Variants in KLHL29 observed in about 807,000 individuals in gnomAD.
KLHL29 encodes the protein kelch-like protein 29.
Under a neutral mutation model 80.4 loss-of-function variants are expected in KLHL29, and 21 were observed. That is an observed-to-expected ratio of 0.26 (90% CI 0.19 to 0.38). The LOEUF is 0.38. KLHL29 is among the 10% of genes least tolerant of loss of function. The pLI is 1.00. For missense variants in KLHL29, 867 were observed against 1,223.9 expected (o/e 0.71, Z 4.35); for synonymous variants, 511 against 526.8 (o/e 0.97, Z 0.41).
rs1670235466 is a variant in KLHL29, at chr2:23,656,079, TA to T, written c.940+13230del. Among the ~76,000 whole-genome samples, 6 of 152,322 alleles carry T rather than the reference TA, an allele frequency of 3.9e-5. No individual in the cohort carries two copies. The South Asian group carries it at 6.2e-4, about 16-fold the overall frequency. ...CTTCACTTCAAAAGACTGGCCGTGT[TA>T]TAAAAAGAAAGGGACCATCTGTCCC... On this transcript the variant is annotated intron_variant, in intron 5 of 13. Coordinates refer to ENST00000486442, the MANE Select transcript of KLHL29 (RefSeq NM_052920.2).
intron 1 of KLHL29, among the ~76,000 whole-genome samples, chr2:23,460,277 G>A (rs1664174620): frequency 2.6e-5 from 4 of 152,182 alleles, no homozygotes; most frequent in Admixed American, 2.6e-4. Context: ...ACATGAATAA[G>A]TTATAGCCTG....
At position 23,435,210 on chromosome 2, in the gene KLHL29, C is replaced by T. The variant is rs141785667; in HGVS notation, c.-153-40350C>T. On this transcript the variant is annotated intron_variant, in intron 1 of 13. Transcript: ENST00000486442. ...GGGAATGTATGGTGTTGGGTAAGGTCGGGCATTAGGAGATGGCACTGGGGA... is the reference window on the plus strand; with the variant it reads ...GGGAATGTATGGTGTTGGGTAAGGTTGGGCATTAGGAGATGGCACTGGGGA... 9.5e-4 allele frequency among the ~76,000 whole-genome samples: 144 copies of T among 152,140 alleles called. 1 individual carries two copies. In the East Asian group the frequency reaches 0.023, roughly 24 times the overall value.
chr2:23,414,169 G>A (rs1285056853), intron 1 of KLHL29, among the ~76,000 whole-genome samples: 2 of 152,246 alleles, frequency 1.3e-5, no homozygotes, highest in African/African-American at 2.4e-5. Flanking sequence ...GGATCCTCCT[G>A]TGGAGGACAG....
chr2:23,470,441 T>C (rs1227143261), intron 1 of KLHL29, among the ~76,000 whole-genome samples: 2 of 152,200 alleles, frequency 1.3e-5, no homozygotes, highest in Admixed American at 1.3e-4. Context: ...TGACTTGCTG[T>C]GTGACTTTGG....
At chr2:23,470,741 A>G (rs755607347) in intron 1 of KLHL29, among the ~76,000 whole-genome samples, 2 of 152,162 alleles carry the variant, frequency 1.3e-5, no homozygotes, top group Non-Finnish European at 1.5e-5. Flanking sequence ...CCTTAATGGA[A>G]TAGGCAATCT....
At chr2:23,524,367 A>G in intron 2 of KLHL29, 3 of 181,542 alleles carry the variant, frequency 1.7e-5, no homozygotes, top group Non-Finnish European at 2.4e-5. Flanking sequence ...CAGGCCAGGA[A>G]ATACCTTTAG....
intron 3 of KLHL29, among the ~76,000 whole-genome samples, chr2:23,582,888 A>G (rs1280328340): frequency 6.6e-6 from 1 of 152,214 alleles, no homozygotes; most frequent in Non-Finnish European, 1.5e-5. Context: ...GTTTGGAAAT[A>G]GGGTCTTTGC....
intron 5 of KLHL29, among the ~76,000 whole-genome samples, chr2:23,653,228 G>T (rs1572468394): frequency 6.6e-6 from 1 of 152,198 alleles, no homozygotes; most frequent in African/African-American, 2.4e-5. Context: ...AGGCTCAGAG[G>T]TATCACCTAG....
At chr2:23,496,100 C>T (rs935532282) in intron 2 of KLHL29, among the ~76,000 whole-genome samples, 10 of 152,222 alleles carry the variant, frequency 6.6e-5, no homozygotes, top group African/African-American at 2.4e-4. Context: ...CCGGACGGCA[C>T]TGCTCAGTCT....
At chr2:23,473,220 C>G (rs1340150128) in intron 1 of KLHL29, among the ~76,000 whole-genome samples, 1 of 152,140 alleles carries the variant, frequency 6.6e-6, no homozygotes, top group Non-Finnish European at 1.5e-5. Context: ...TCCCCAGTCT[C>G]CTGCTAGTGC....
intron 12 of KLHL29, 36 bp downstream of exon 12, chr2:23,703,415 G>A: frequency 7.0e-7 from 1 of 1,424,518 alleles, no homozygotes; most frequent in Non-Finnish European, 9.2e-7. Context: ...CAGGGCCAGG[G>A]TCGCATCCCT....
At chr2:23,693,158 A>C in intron 7 of KLHL29, 111 bp from the exon 8 acceptor site, 3 of 1,144,754 alleles carry the variant, frequency 2.6e-6, no homozygotes, top group Non-Finnish European at 3.4e-6. Context: ...CACTGCAGTC[A>C]GGGTCCCCCG....
At chr2:23,589,206 G>T (rs746936137) in intron 3 of KLHL29, among the ~76,000 whole-genome samples, 1 of 152,272 alleles carries the variant, frequency 6.6e-6, no homozygotes, top group Non-Finnish European at 1.5e-5. Context: ...CTTGTGCCTT[G>T]CCTGCAGGAA....
intron 1 of KLHL29, among the ~76,000 whole-genome samples, chr2:23,415,296 G>A (rs1666957096): frequency 6.6e-6 from 1 of 152,192 alleles, no homozygotes; most frequent in African/African-American, 2.4e-5. Flanking sequence ...CTGTGTCTTA[G>A]CTTCCTAGAC....
chr2:23,525,196 G>T (rs974310167), intron 2 of KLHL29, among the ~76,000 whole-genome samples: 1 of 152,198 alleles, frequency 6.6e-6, no homozygotes, highest in African/African-American at 2.4e-5. Context: ...AGCCAGAGAA[G>T]ACTTGAGGAC....
At chr2:23,656,731 C>T (rs758524236) in intron 5 of KLHL29, among the ~76,000 whole-genome samples, 4 of 151,450 alleles carry the variant, frequency 2.6e-5, no homozygotes, top group Non-Finnish European at 2.9e-5. Flanking sequence ...AGAAGCTGGG[C>T]GGAGGTGAGG....
Position 23,647,821 on chromosome 2 carries a change from T to C in KLHL29, c.940+4971T>C, listed in dbSNP as rs765108423. 5.3e-5 allele frequency among the ~76,000 whole-genome samples: 8 copies of C among 152,122 alleles called. No homozygotes were observed. Among genetic ancestry groups the C allele is most frequent in the African/African-American group, 1.9e-4 (8 of 41,408 alleles). On this transcript the variant is annotated intron_variant, in intron 5 of 13. Coordinates refer to ENST00000486442, the MANE Select transcript of KLHL29 (RefSeq NM_052920.2). The surrounding 1 kb of genome is among the most constrained non-coding windows in gnomAD (Gnocchi z 4.9). ...TTGGCTCTCCAGTCTAGCCGTGCAC[T>C]GTGCCTCGGTCGAGTGCCTGTGAGA...
chr2:23,671,364 G>A (rs1342225444), intron 5 of KLHL29, among the ~76,000 whole-genome samples: 2 of 151,878 alleles, frequency 1.3e-5, no homozygotes, highest in East Asian at 1.9e-4. Context: ...TCTCTGAGCC[G>A]GCCCGTCACC....
chr2:23,645,843 A>G (rs1000094938), intron 5 of KLHL29, among the ~76,000 whole-genome samples: 1 of 152,242 alleles, frequency 6.6e-6, no homozygotes, highest in African/African-American at 2.4e-5. Context: ...CAGTTGAAAA[A>G]TAAAGGTGGC....
Sources: gnomAD v4.1 joint callset for allele counts (sites outside exome capture counted in the v4.1 genomes callset) on GRCh38, gnomAD v4.1.1 for gene constraint, Gnocchi (gnomAD v3.1) non-coding constraint, MANE v1.5 for transcripts, NCBI Gene and HGNC (gene_info 2026-07-23, HGNC 2026-07-21) for gene names.